The following GPCPD1 variants were observed in gnomAD, a reference collection of about 807,000 sequenced individuals.
GPCPD1 encodes the protein glycerophosphocholine phosphodiesterase 1.
In GPCPD1, 29 loss-of-function variants were observed where a neutral mutation model predicts 89.2. That is an observed-to-expected ratio of 0.33 (90% CI 0.24 to 0.44). GPCPD1 has a LOEUF of 0.44. GPCPD1 is among the 20% of genes least tolerant of loss of function. The pLI is 1.00. For synonymous variants in GPCPD1, 258 were observed against 266.3 expected, an observed-to-expected ratio of 0.97 and a Z score of 0.30; for missense variants, 594 against 808.9, an observed-to-expected ratio of 0.73 and a Z score of 3.22.
At chr20:5,565,107 A>C in intron 14 of GPCPD1, 29 bp from the exon 15 acceptor site, 1 of 1,136,270 alleles carries the variant, frequency 8.8e-7, no homozygotes, top group Non-Finnish European at 1.3e-6. Context: ...AAATCTCAGT[A>C]AATAAAATGC....
chr20:5,597,700 C>T (rs182879786), intron 3 of GPCPD1, among the ~76,000 whole-genome samples: 126 of 152,346 alleles, frequency 8.3e-4, no homozygotes, highest in Middle Eastern at 6.8e-3. Flanking sequence ...CTGACATCCA[C>T]TCATCTATGC....
At chr20:5,574,068 TTATTCTG>T (rs1978284886) in intron 10 of GPCPD1, 99 bp from the exon 11 acceptor site, 1 of 753,786 alleles carries the variant, frequency 1.3e-6, no homozygotes, top group Non-Finnish European at 2.3e-6. Context: ...GAAATGGTAC[TTATTCTG>T]TATTCTGAGG....
At chr20:5,561,102 A>G (rs998198166) in intron 16 of GPCPD1, among the ~76,000 whole-genome samples, 1 of 152,254 alleles carries the variant, frequency 6.6e-6, no homozygotes, top group Non-Finnish European at 1.5e-5. Flanking sequence ...TACTGTTAAC[A>G]ACAGAAAACT....
At chr20:5,558,542 C>T in intron 18 of GPCPD1, 142 bp downstream of exon 18, 2 of 532,182 alleles carry the variant, frequency 3.8e-6, no homozygotes, top group Non-Finnish European at 3.3e-6. Context: ...ATCTAATATC[C>T]TCGTTTTTAA....
At chr20:5,570,916 GA>G (rs1368706714) in intron 11 of GPCPD1, among the ~76,000 whole-genome samples, 1 of 151,824 alleles carries the variant, frequency 6.6e-6, no homozygotes, top group African/African-American at 2.4e-5. Context: ...TTAATTTAAA[GA>G]AAAAAAGAAA....
intron 4 of GPCPD1, among the ~76,000 whole-genome samples, chr20:5,589,136 TA>T (rs1979145835): frequency 6.6e-6 from 1 of 152,148 alleles, no homozygotes; most frequent in South Asian, 2.1e-4. Context: ...AAGGGCCAGG[TA>T]AACTGATGAC....
chr20:5,554,009 C>T lies in GPCPD1; in HGVS notation c.1829+3936G>A, dbSNP rs905565308. On this transcript the variant is annotated intron_variant, in intron 19 of 19. Coordinates refer to ENST00000379019, the MANE Select transcript of GPCPD1 (RefSeq NM_019593.5). ...TTTAAGACAGAGTCTCGCTCTGTCA[C>T]CCAGGCTGCAGTGCAGTGGTGTGAT... is the stretch of plus-strand genomic sequence containing the variant. 1.5e-5 allele frequency among the ~76,000 whole-genome samples: 2 copies of T among 137,208 alleles called. 1 individual carries two copies. Among genetic ancestry groups the T allele is most frequent in the Admixed American group, 1.4e-4 (2 of 14,002 alleles). The allele number at this position is 137,208 out of a possible 152,430, so 90.0% of individuals were successfully genotyped here.
At chr20:5,548,865 C>T in intron 19 of GPCPD1, 1 of 977,328 alleles carries the variant, frequency 1.0e-6, no homozygotes, top group Non-Finnish European at 1.4e-6. Flanking sequence ...ACCACCCCTA[C>T]TCCTAATCCC....
At chr20:5,567,151 T>C (rs921496107) in intron 13 of GPCPD1, among the ~76,000 whole-genome samples, 2 of 152,122 alleles carry the variant, frequency 1.3e-5, no homozygotes, top group Non-Finnish European at 2.9e-5. Flanking sequence ...TATTGTAAAA[T>C]AATGACCATT....
At chr20:5,596,401 A>T (rs962166672) in intron 3 of GPCPD1, among the ~76,000 whole-genome samples, 10 of 147,512 alleles carry the variant, frequency 6.8e-5, no homozygotes, top group Non-Finnish European at 1.4e-4. Context: ...AAAAAATTTT[A>T]AAAAAAGAAT....
At chr20:5,599,905 T>C (rs556104113) in intron 2 of GPCPD1, among the ~76,000 whole-genome samples, 11 of 152,318 alleles carry the variant, frequency 7.2e-5, no homozygotes, top group African/African-American at 2.6e-4. Flanking sequence ...TGAACACTTA[T>C]CAATAGACTT....
intron 19 of GPCPD1, among the ~76,000 whole-genome samples, chr20:5,553,289 G>A (rs1387053691): frequency 6.6e-6 from 1 of 152,112 alleles, no homozygotes; most frequent in Non-Finnish European, 1.5e-5. Flanking sequence ...GTTTTGAGGT[G>A]CCACGAATCA....
chr20:5,562,933 A>T (rs1792561446), intron 15 of GPCPD1, among the ~76,000 whole-genome samples: 1 of 152,246 alleles, frequency 6.6e-6, no homozygotes, highest in Non-Finnish European at 1.5e-5. Flanking sequence ...AATTTGCCAG[A>T]AAAGTGTCTA....
At chr20:5,548,510 A>C (rs1985169135) in intron 19 of GPCPD1, 1 of 152,414 alleles carries the variant, frequency 6.6e-6, no homozygotes, top group Non-Finnish European at 1.5e-5. Context: ...TGACTGTATT[A>C]AAACAAAGAG....
rs2122677375 is a variant in GPCPD1 at position 5,578,275 on chromosome 20, A to C, written c.705+105T>G. On this transcript the variant is annotated intron_variant, in intron 8 of 19. Coordinates refer to ENST00000379019, the MANE Select transcript of GPCPD1 (RefSeq NM_019593.5). ...CTGTACAGAAGAGCATACCTCTAAA[A>C]AGTTAGCTTTACACAAATTAGATTA... 8 of 727,944 alleles carry C rather than the reference A, an allele frequency of 1.1e-5. No individual in the cohort carries two copies. In the South Asian group the frequency reaches 1.3e-4, roughly 12 times the overall value. 45.1% of individuals were successfully genotyped at this position (727,944 alleles called of 1,614,324 possible). A position where few individuals can be genotyped will look rare whatever the true frequency, so the allele number is the denominator to read the frequency against.
At chr20:5,591,487 G>A (rs1438114640) in intron 4 of GPCPD1, among the ~76,000 whole-genome samples, 2 of 152,048 alleles carry the variant, frequency 1.3e-5, no homozygotes, top group Non-Finnish European at 2.9e-5. Flanking sequence ...AAACTGCCTG[G>A]GTAGATTACC....
chr20:5,596,779 A>T (rs6038215), intron 3 of GPCPD1, among the ~76,000 whole-genome samples: 85,725 of 151,910 alleles, frequency 0.56, 24,394 homozygotes, highest in East Asian at 0.63. Context: ...CCAAAGAAAC[A>T]CAATTTTAAA....
chr20:5,578,091 A>G (rs180993852), intron 8 of GPCPD1, among the ~76,000 whole-genome samples: 1 of 152,322 alleles, frequency 6.6e-6, no homozygotes, highest in Non-Finnish European at 1.5e-5. Flanking sequence ...TCTATTTACC[A>G]CTGATGTTTC....
intron 2 of GPCPD1, 67 bp from the exon 3 acceptor site, chr20:5,598,888 G>A: frequency 5.3e-6 from 5 of 947,608 alleles, no homozygotes; most frequent in Middle Eastern, 2.1e-4. Context: ...AAGCAGGGAA[G>A]TTTGCATTAG....
Sources: allele counts gnomAD v4.1 joint callset (sites outside exome capture counted in the v4.1 genomes callset), GRCh38; gene constraint gnomAD v4.1.1; transcripts MANE v1.5; gene names NCBI Gene and HGNC (gene_info 2026-07-23, HGNC 2026-07-21).